Variants in GLRA3 observed in about 807,000 individuals in gnomAD.
GLRA3 encodes glycine receptor alpha 3.
Under a neutral mutation model 60.4 loss-of-function variants are expected in GLRA3, and 44 were observed. The ratio of observed to expected loss-of-function variants is 0.73; its 90% CI spans 0.57 to 0.94. The LOEUF is 0.94. Among genes scored for constraint, GLRA3 ranks in the 40% least tolerant of loss-of-function variants. The pLI is 0.00. For synonymous variants in GLRA3, 223 were observed against 192.9 expected, an observed-to-expected ratio of 1.16 and a Z score of -1.29; for missense variants, 508 against 564.6, an observed-to-expected ratio of 0.90 and a Z score of 1.02.
intron 5 of GLRA3, among the ~76,000 whole-genome samples, chr4:174,691,694 C>T (rs1285673377): frequency 2.0e-5 from 3 of 152,212 alleles, no homozygotes; most frequent in Non-Finnish European, 4.4e-5. Context: ...TCACTCAGTG[C>T]TCAATGGTGC....
rs749930503 is a variant in GLRA3, at chr4:174,677,254, G to A, written c.751C>T (p.Arg251Ter). The change falls in exon 7 of 10, where the codon CGA becomes TGA. Residue 251 changes from arginine (R) to a stop codon, truncating the protein, a stop_gained. Transcript: ENST00000274093. LOFTEE classifies it high-confidence loss of function. ...TCIEVRFHLE[R>*]QMGYYLIQMY... is the part of the protein sequence containing the mutation. Reference sequence around the variant, plus strand: ...TGGATCAGATAGTATCCCATTTGTCGCTCCAGATGGAATCGCACTTCTATA... The same window carrying A: ...TGGATCAGATAGTATCCCATTTGTCACTCCAGATGGAATCGCACTTCTATA... The A allele has an allele frequency of 1.2e-6, 2 of 1,611,604 alleles. No individual in the cohort carries two copies. The highest frequency in any genetic ancestry group is 8.5e-7 in the Non-Finnish European group (1 of 1,178,054).
intron 3 of GLRA3, among the ~76,000 whole-genome samples, chr4:174,750,373 T>C (rs541002185): frequency 5.3e-5 from 8 of 152,130 alleles, no homozygotes; most frequent in Non-Finnish European, 8.8e-5. Flanking sequence ...GAATGATGTT[T>C]ATATATTACA....
intron 5 of GLRA3, among the ~76,000 whole-genome samples, chr4:174,685,274 G>A (rs139804616): frequency 5.3e-5 from 8 of 152,204 alleles, no homozygotes; most frequent in Non-Finnish European, 1.0e-4. Flanking sequence ...CTCCAGCTGT[G>A]GTGGTAGTGA....
chr4:174,787,689 A>G (rs945541322), intron 2 of GLRA3, among the ~76,000 whole-genome samples: 9 of 151,518 alleles, frequency 5.9e-5, no homozygotes, highest in Non-Finnish European at 4.4e-5. Flanking sequence ...TCATTTGTAT[A>G]TTGTACCCTG....
intron 1 of GLRA3, among the ~76,000 whole-genome samples, chr4:174,822,737 A>G (rs368254648): frequency 2.0e-5 from 3 of 152,320 alleles, no homozygotes; most frequent in South Asian, 2.1e-4. Flanking sequence ...GTATGTACTC[A>G]TGGAGAATTC....
chr4:174,814,483 C>A (rs1740404064), intron 1 of GLRA3, among the ~76,000 whole-genome samples: 1 of 152,176 alleles, frequency 6.6e-6, no homozygotes, highest in South Asian at 2.1e-4. Context: ...CTCTGCCACT[C>A]TGCCAGTGGA....
In GLRA3 at chr4:174,715,897, TTTATTCAA is replaced by T. The variant is rs879759728; in HGVS notation, c.492-335_492-328del. Among the ~76,000 whole-genome samples the T allele has an allele frequency of 4.6e-3, 697 of 152,276 alleles. 2 individuals are homozygous for T. The highest frequency in any genetic ancestry group is 0.016 in the African/African-American group (648 of 41,552). ...TCATATTTATATATCTATATGTTTATTTATTCAATTAGAAAGGGCTGTGGATGTCTAGA... is the reference window on the plus strand; with the variant it reads ...TCATATTTATATATCTATATGTTTATTTAGAAAGGGCTGTGGATGTCTAGA... On this transcript the variant is annotated intron_variant, in intron 4 of 9. Coordinates refer to ENST00000274093, the MANE Select transcript of GLRA3 (RefSeq NM_006529.4).
intron 7 of GLRA3, among the ~76,000 whole-genome samples, chr4:174,663,154 C>T (rs1238288320): frequency 6.6e-6 from 1 of 152,152 alleles, no homozygotes; most frequent in Non-Finnish European, 1.5e-5. Context: ...AAGCACACTG[C>T]ATCTCCTCCT....
intron 7 of GLRA3, among the ~76,000 whole-genome samples, chr4:174,666,762 TATA>T (rs1733690387): frequency 3.7e-4 from 12 of 32,462 alleles, no homozygotes; most frequent in South Asian, 1.4e-3. Flanking sequence ...ATATATATTA[TATA>T]TATATATATA....
intron 3 of GLRA3, among the ~76,000 whole-genome samples, chr4:174,731,379 A>T (rs975423269): frequency 3.9e-5 from 6 of 152,200 alleles, no homozygotes; most frequent in African/African-American, 1.4e-4. Flanking sequence ...CCCTAAGAGA[A>T]GTCCTAATAA....
intron 1 of GLRA3, among the ~76,000 whole-genome samples, chr4:174,807,286 C>T (rs901274695): frequency 2.0e-5 from 3 of 151,932 alleles, no homozygotes; most frequent in African/African-American, 7.2e-5. Flanking sequence ...TTAAATAAAA[C>T]ATTCAAAAAT....
intron 1 of GLRA3, among the ~76,000 whole-genome samples, chr4:174,794,854 T>A (rs1277988529): frequency 6.6e-6 from 1 of 152,048 alleles, no homozygotes; most frequent in Non-Finnish European, 1.5e-5. Context: ...TACGTAAAAA[T>A]CATGACTAAT....
intron 3 of GLRA3, among the ~76,000 whole-genome samples, chr4:174,748,370 T>C (rs1737330767): frequency 6.6e-6 from 1 of 152,082 alleles, no homozygotes; most frequent in Non-Finnish European, 1.5e-5. Context: ...AAACCAGGAA[T>C]TGAGGAATAG....
At chr4:174,669,217 A>C (rs919617725) in intron 7 of GLRA3, among the ~76,000 whole-genome samples, 3 of 152,086 alleles carry the variant, frequency 2.0e-5, no homozygotes, top group Admixed American at 1.3e-4. Flanking sequence ...ACAGGAAAAA[A>C]TAATATTAAT....
chr4:174,652,784 CTGTATATTAACACA>C (rs1733068616), intron 9 of GLRA3, among the ~76,000 whole-genome samples: 1 of 152,070 alleles, frequency 6.6e-6, no homozygotes, highest in Middle Eastern at 3.2e-3. Flanking sequence ...AAACATGATA[CTGTATATTAACACA>C]TGTGTGAGGC....
chr4:174,728,750 T>G (rs1417430867), intron 3 of GLRA3, 52 bp from the exon 4 acceptor site: 8 of 1,184,076 alleles, frequency 6.8e-6, no homozygotes, highest in African/African-American at 1.5e-5. Flanking sequence ...TTTAAAAAGT[T>G]TAAAATCCAT....
rs763910056 is a variant in GLRA3, at chr4:174,828,786, G to A, written c.26C>T (p.Thr9Ile). 70 of 1,611,256 alleles carry A rather than the reference G, an allele frequency of 4.3e-5. No homozygotes were observed. Among genetic ancestry groups the A allele is most frequent in the Non-Finnish European group, 5.6e-5 (66 of 1,177,532 alleles). MAHVRHFR[T>I]LVSGFYFWEA... is the part of the protein sequence containing the mutation. ...CCAGAAGTAAAATCCCGAAACTAAT[G>A]TCCGAAAGTGTCTCACGTGGGCCAT... Residue 9 changes from threonine (T) to isoleucine (I), a missense_variant, in exon 1 of 10, where the codon ACA (threonine) becomes ATA (isoleucine). Physicochemically the swap from Thr to Ile is moderately conservative, Grantham distance 89. Transcript: ENST00000274093.
chr4:174,654,093 CTT>C (rs1733113102), intron 9 of GLRA3, among the ~76,000 whole-genome samples: 1 of 152,020 alleles, frequency 6.6e-6, no homozygotes, highest in Non-Finnish European at 1.5e-5. Flanking sequence ...GTAGGAAACA[CTT>C]TATCTATTTA....
At chr4:174,676,503 C>T (rs888170721) in intron 7 of GLRA3, among the ~76,000 whole-genome samples, 1 of 151,966 alleles carries the variant, frequency 6.6e-6, no homozygotes, top group Admixed American at 6.6e-5. Flanking sequence ...GAACATAATA[C>T]AAAATATGTG....
Sources: gnomAD v4.1 joint callset for allele counts (sites outside exome capture counted in the v4.1 genomes callset) on GRCh38, gnomAD v4.1.1 for gene constraint, MANE v1.5 for transcripts, NCBI Gene and HGNC (gene_info 2026-07-23, HGNC 2026-07-21) for gene names.